EPHB2: variants seen among roughly 807,000 people sequenced by gnomAD.
EPHB2 encodes EPH receptor B2, also known as ephrin type-B receptor 2.
EPHB2 carries 18 observed loss-of-function variants against 96.4 expected under a neutral mutation model. The observed-to-expected ratio is 0.19, with a 90% CI of 0.13 to 0.28. The LOEUF is 0.28. Among genes scored for constraint, EPHB2 ranks in the 10% least tolerant of loss-of-function variants. The probability of loss-of-function intolerance (pLI) is 1.00; values close to 1 mark genes in which losing one functional copy is unlikely to be tolerated. For missense variants in EPHB2, 989 were observed against 1,355.4 expected, an observed-to-expected ratio of 0.73 and a Z score of 4.25; for synonymous variants, 506 against 534.1, an observed-to-expected ratio of 0.95 and a Z score of 0.72.
intron 3 of EPHB2, among the ~76,000 whole-genome samples, chr1:22,798,162 T>C (rs939735560): frequency 2.6e-5 from 4 of 152,214 alleles, no homozygotes; most frequent in African/African-American, 4.8e-5. Flanking sequence ...CAGAAGGTTC[T>C]CAATAAATAC....
chr1:22,723,567 G>A (rs1643517695), intron 1 of EPHB2, among the ~76,000 whole-genome samples: 2 of 152,242 alleles, frequency 1.3e-5, no homozygotes, highest in Admixed American at 1.3e-4. Flanking sequence ...AGTTGAAAGG[G>A]TGATGAGGCT....
intron 1 of EPHB2, among the ~76,000 whole-genome samples, chr1:22,736,652 G>T (rs549886888): frequency 7.9e-5 from 12 of 152,198 alleles, no homozygotes; most frequent in Non-Finnish European, 1.8e-4. Context: ...GGCAGCCTCC[G>T]CAGCGCGGCA....
rs560160502 is a variant in EPHB2 at position 22,784,694 on chromosome 1, C to T, written c.429C>T (p.Ala143=). The T allele has an allele frequency of 1.5e-5, 24 of 1,613,940 alleles. No homozygotes were observed. The Admixed American group carries it at 2.3e-4, about 16-fold the overall frequency. ...NPWVKVDTIA[A]DESFSQVDLG... is the part of the protein sequence containing the mutation. The stretch of plus-strand genomic sequence containing the variant: ...GGGTGAAGGTGGATACCATTGCAGC[C>T]GACGAGAGCTTCTCCCAGGTGGACC... The change falls in exon 3 of 16, where the codon GCC becomes GCT. Residue 143 remains alanine (A), a synonymous_variant. Coordinates refer to ENST00000374630, the MANE Select transcript of EPHB2 (RefSeq NM_017449.5). The surrounding 1 kb of genome is among the most constrained non-coding windows in gnomAD (Gnocchi z 5.1).
At chr1:22,829,220 G>A (rs1645267764) in intron 3 of EPHB2, among the ~76,000 whole-genome samples, 1 of 152,280 alleles carries the variant, frequency 6.6e-6, no homozygotes, top group Admixed American at 6.5e-5. Flanking sequence ...GCCACATGCA[G>A]CCCCCAGGCC....
intron 1 of EPHB2, among the ~76,000 whole-genome samples, chr1:22,754,437 G>T (rs2148384118): frequency 6.6e-6 from 1 of 152,276 alleles, no homozygotes; most frequent in East Asian, 1.9e-4. Context: ...ACAGAGGCAG[G>T]ACAGGGTGAC....
At chr1:22,734,897 G>C (rs899657464) in intron 1 of EPHB2, among the ~76,000 whole-genome samples, 2 of 152,170 alleles carry the variant, frequency 1.3e-5, no homozygotes, top group African/African-American at 4.8e-5. Context: ...TTGCTCCATG[G>C]TACTGATGAT....
At chr1:22,750,725 A>G (rs919213962) in intron 1 of EPHB2, among the ~76,000 whole-genome samples, 2 of 152,212 alleles carry the variant, frequency 1.3e-5, no homozygotes, top group Non-Finnish European at 2.9e-5. Context: ...ATATATTTTT[A>G]TTTAACAAAC....
intron 3 of EPHB2, among the ~76,000 whole-genome samples, chr1:22,834,086 C>T (rs1275914199): frequency 6.6e-6 from 1 of 151,684 alleles, no homozygotes; most frequent in Non-Finnish European, 1.5e-5. Context: ...AAGAAAATGT[C>T]AAATCAGATC....
chr1:22,795,157 A>G (rs1020310433), intron 3 of EPHB2, among the ~76,000 whole-genome samples: 1 of 152,172 alleles, frequency 6.6e-6, no homozygotes, highest in Non-Finnish European at 1.5e-5. Context: ...ACCTCACAAG[A>G]GGAACCGAGG....
chr1:22,814,221 C>T (rs956966031), intron 3 of EPHB2, among the ~76,000 whole-genome samples: 9 of 152,050 alleles, frequency 5.9e-5, no homozygotes, highest in Non-Finnish European at 7.4e-5. Flanking sequence ...GATTTGTTGG[C>T]TTATCTTTAT....
At chr1:22,881,703 T>G (rs1639051713) in intron 5 of EPHB2, among the ~76,000 whole-genome samples, 1 of 152,186 alleles carries the variant, frequency 6.6e-6, no homozygotes, top group Non-Finnish European at 1.5e-5. Context: ...GAAGCGATTC[T>G]CCTGCCTCAG....
In EPHB2 at chr1:22,864,864, T is replaced by A; in HGVS notation, c.968-13T>A. ...TGAGCCCCCCACTGACCAACACCTCTCCCCCGCCCCAGCCATCCCCTCCGC... is the reference window on the plus strand; with the variant it reads ...TGAGCCCCCCACTGACCAACACCTCACCCCCGCCCCAGCCATCCCCTCCGC... On this transcript the variant is annotated splice_polypyrimidine_tract_variant and intron_variant, in intron 4 of 15. Transcript: ENST00000374630. 1.3e-6 allele frequency: 2 copies of A among 1,565,334 alleles called. No individual in the cohort carries two copies. Among genetic ancestry groups the A allele is most frequent in the Non-Finnish European group, 8.7e-7 (1 of 1,145,648 alleles).
At chr1:22,718,613 T>G (rs1040381751) in intron 1 of EPHB2, among the ~76,000 whole-genome samples, 1 of 152,032 alleles carries the variant, frequency 6.6e-6, no homozygotes, top group Non-Finnish European at 1.5e-5. Flanking sequence ...GGTCTCGAAC[T>G]CTGACCTCAG....
chr1:22,756,506 C>G (rs1233083676), intron 1 of EPHB2, among the ~76,000 whole-genome samples: 1 of 152,152 alleles, frequency 6.6e-6, no homozygotes, highest in Non-Finnish European at 1.5e-5. Context: ...GCGGCTTTAT[C>G]TGGGAGTCTC....
At chr1:22,835,443 CAT>C (rs139808818) in intron 3 of EPHB2, among the ~76,000 whole-genome samples, 4,340 of 152,258 alleles carry the variant, frequency 0.029, 197 homozygotes, top group African/African-American at 0.096. Context: ...CACATACACA[CAT>C]ATGTGTACAG....
At chr1:22,824,979 T>A (rs114402014) in intron 3 of EPHB2, among the ~76,000 whole-genome samples, 1 of 152,308 alleles carries the variant, frequency 6.6e-6, no homozygotes, top group African/African-American at 2.4e-5. Context: ...GACTTGGGGA[T>A]GGGACACTTT....
intron 3 of EPHB2, among the ~76,000 whole-genome samples, chr1:22,819,848 C>G (rs534197059): frequency 3.6e-4 from 54 of 150,754 alleles, no homozygotes; most frequent in African/African-American, 1.2e-3. Flanking sequence ...CTTTGGTTTT[C>G]CTCTCCGTGT....
At chr1:22,804,217 G>A (rs557512751) in intron 3 of EPHB2, among the ~76,000 whole-genome samples, 1 of 152,288 alleles carries the variant, frequency 6.6e-6, no homozygotes, top group South Asian at 2.1e-4. Flanking sequence ...TTATTGGGTT[G>A]GCTGGTTTGG....
intron 1 of EPHB2, among the ~76,000 whole-genome samples, chr1:22,745,742 G>A (rs1643964946): frequency 1.3e-5 from 2 of 152,160 alleles, no homozygotes; most frequent in South Asian, 2.1e-4. Flanking sequence ...CACGGTGGGC[G>A]CTTGGCAATG....
Sources: allele counts gnomAD v4.1 joint callset (sites outside exome capture counted in the v4.1 genomes callset), GRCh38; gene constraint gnomAD v4.1.1; non-coding constraint Gnocchi (gnomAD v3.1); transcripts MANE v1.5; gene names NCBI Gene and HGNC (gene_info 2026-07-23, HGNC 2026-07-21).